BRCA1: variants seen among roughly 807,000 people sequenced by gnomAD.
BRCA1 encodes the protein breast cancer type 1 susceptibility protein.
A neutral mutation model predicts 173.7 loss-of-function variants in BRCA1; 140 were observed. The ratio of observed to expected loss-of-function variants is 0.81; its 90% CI spans 0.70 to 0.93. BRCA1 has a LOEUF of 0.93. BRCA1 is among the 40% of genes least tolerant of loss of function. The probability of loss-of-function intolerance (pLI) is 0.00; values close to 1 mark genes in which losing one functional copy is unlikely to be tolerated. For missense variants in BRCA1, 1,983 were observed against 2,172.5 expected (o/e 0.91, Z 1.73); for synonymous variants, 662 against 756.0 (o/e 0.88, Z 2.04).
At chr17:43,154,086 T>C (rs1393047236) in intron 1 of BRCA1, among the ~76,000 whole-genome samples, 1 of 151,908 alleles carries the variant, frequency 6.6e-6, no homozygotes, top group African/African-American at 2.4e-5. Context: ...ACTTGGAGGC[T>C]AAGGCAGAAG....
At chr17:43,059,905 T>A (rs1156815999) in intron 18 of BRCA1, among the ~76,000 whole-genome samples, 2 of 152,020 alleles carry the variant, frequency 1.3e-5, no homozygotes, top group African/African-American at 4.8e-5. Context: ...GGCCTATTAT[T>A]ATTATTATTA....
At chr17:43,167,926 T>C in intron 1 of BRCA1, 1 of 164,422 alleles carries the variant, frequency 6.1e-6, no homozygotes, top group South Asian at 1.5e-4. Flanking sequence ...ACAGGGTCCC[T>C]GTCTTTCAGG....
intron 2 of BRCA1, among the ~76,000 whole-genome samples, chr17:43,116,661 G>A (rs1709441): frequency 6.6e-6 from 1 of 152,218 alleles, no homozygotes; most frequent in Non-Finnish European, 1.5e-5. Flanking sequence ...TGGAACTACA[G>A]GCGTGCGCCA....
At chr17:43,159,084 C>G (rs2056216062) in intron 1 of BRCA1, among the ~76,000 whole-genome samples, 1 of 152,126 alleles carries the variant, frequency 6.6e-6, no homozygotes, top group Non-Finnish European at 1.5e-5. Context: ...AACACACACA[C>G]AAACACACAC....
chr17:43,101,985 CT>C (rs2054496568), intron 6 of BRCA1, among the ~76,000 whole-genome samples: 1 of 152,104 alleles, frequency 6.6e-6, no homozygotes, highest in Non-Finnish European at 1.5e-5. Flanking sequence ...CAACTGCAGC[CT>C]TGACTCTCTA....
intron 12 of BRCA1, among the ~76,000 whole-genome samples, chr17:43,080,357 G>A (rs112920552): frequency 3.3e-5 from 5 of 152,106 alleles, no homozygotes; most frequent in African/African-American, 9.7e-5. Context: ...CACCACGCCC[G>A]GCTAATTTTT....
At chr17:43,080,587 T>C (rs1244991403) in intron 12 of BRCA1, among the ~76,000 whole-genome samples, 2 of 151,994 alleles carry the variant, frequency 1.3e-5, no homozygotes, top group Non-Finnish European at 2.9e-5. Context: ...AGAGGACTGC[T>C]TGAGTCCAGG....
intron 3 of BRCA1, among the ~76,000 whole-genome samples, chr17:43,109,428 C>CT (rs2054941378): frequency 1.3e-5 from 2 of 152,066 alleles, no homozygotes; most frequent in African/African-American, 4.8e-5. Context: ...GACATGGAAA[C>CT]TAAGTCTGGA....
At position 43,058,371 on chromosome 17, in the gene BRCA1, TAA is replaced by T. The variant is rs869107602; in HGVS notation, c.5194-1238_5194-1237del. On this transcript the variant is annotated intron_variant, in intron 18 of 22. Coordinates refer to ENST00000357654, the MANE Select transcript of BRCA1 (RefSeq NM_007294.4). ...CCTGGGTGACAAAGTGAGACTCTGCTAAAAAAAAACACACACACACACACACA... is the reference window on the plus strand; with the variant it reads ...CCTGGGTGACAAAGTGAGACTCTGCTAAAAAAACACACACACACACACACA... Among the ~76,000 whole-genome samples the T allele has an allele frequency of 9.7e-4, 145 of 150,226 alleles. 4 individuals carry two copies. The highest frequency in any genetic ancestry group is 3.2e-3 in the African/African-American group (131 of 41,066).
intron 1 of BRCA1, among the ~76,000 whole-genome samples, chr17:43,135,097 G>A (rs1331130984): frequency 6.6e-6 from 1 of 152,130 alleles, no homozygotes; most frequent in Non-Finnish European, 1.5e-5. Flanking sequence ...TCTTGCTCTG[G>A]CCATGGAATG....
At chr17:43,095,614 AC>A (rs1297213825) in intron 9 of BRCA1, among the ~76,000 whole-genome samples, 6 of 151,962 alleles carry the variant, frequency 3.9e-5, no homozygotes, top group Admixed American at 2.6e-4. Context: ...AAAAAAAAAA[AC>A]GAAAGGGCAA....
chr17:43,060,258 G>C (rs1210104462), intron 18 of BRCA1, among the ~76,000 whole-genome samples: 2 of 152,002 alleles, frequency 1.3e-5, no homozygotes, highest in African/African-American at 4.8e-5. Flanking sequence ...ATTTTTAGTA[G>C]AGACAGGGTT....
At chr17:43,100,670 A>G (rs12941007) in intron 6 of BRCA1, among the ~76,000 whole-genome samples, 2,087 of 29,104 alleles carry the variant, frequency 0.072, 194 homozygotes, top group Non-Finnish European at 0.08. Flanking sequence ...ATATATATAT[A>G]TATATATAAT....
chr17:43,061,531 A>G (rs2051750904), intron 18 of BRCA1, among the ~76,000 whole-genome samples: 2 of 152,112 alleles, frequency 1.3e-5, no homozygotes, highest in African/African-American at 4.8e-5. Context: ...AACAAAAATA[A>G]TCATTTAATT....
chr17:43,099,941 G>A (rs2054311864), intron 6 of BRCA1, 61 bp from the exon 7 acceptor site: 1 of 1,303,298 alleles, frequency 7.7e-7, no homozygotes, highest in Non-Finnish European at 1.1e-6. Flanking sequence ...TTTTCCTCCT[G>A]AAGAGAAACT....
upstream of BRCA1, among the ~76,000 whole-genome samples, chr17:43,126,654 C>T (rs184220023): frequency 4.9e-3 from 751 of 152,306 alleles, 7 homozygotes; most frequent in Non-Finnish European, 3.1e-3. Flanking sequence ...GTTGGAGAGT[C>T]TGTGGTTCAG....
intron 2 of BRCA1, among the ~76,000 whole-genome samples, chr17:43,117,544 G>C (rs2055351987): frequency 6.6e-6 from 1 of 152,142 alleles, no homozygotes; most frequent in East Asian, 1.9e-4. Context: ...TTCGAGACCA[G>C]CCTGGCCAAC....
At position 43,062,255 on chromosome 17, in the gene BRCA1, G is replaced by A. The variant is rs1222730105; in HGVS notation, c.5193+1078C>T. 2.6e-5 allele frequency among the ~76,000 whole-genome samples: 4 copies of A among 151,780 alleles called. No homozygotes were observed. In the East Asian group the frequency reaches 7.8e-4, roughly 30 times the overall value. ...ACTACAGAAGCACACTGCCATGCCC[G>A]GCTAATTAAAAAAAAATTTTGTGGA... On this transcript the variant is annotated intron_variant, in intron 18 of 22. Coordinates refer to ENST00000357654, the MANE Select transcript of BRCA1 (RefSeq NM_007294.4).
chr17:43,100,560 A>ATATAACATATATATAACATATATATAT (rs2054346345), intron 6 of BRCA1, among the ~76,000 whole-genome samples: 2 of 16,080 alleles, frequency 1.2e-4, no homozygotes, highest in Non-Finnish European at 2.0e-4. Flanking sequence ...GTGTGTGTGT[A>ATATAACATATATATAACATATATATAT]TATATATATA....
Sources: gnomAD v4.1 joint callset for allele counts (sites outside exome capture counted in the v4.1 genomes callset) on GRCh38, gnomAD v4.1.1 for gene constraint, MANE v1.5 for transcripts, NCBI Gene and HGNC (gene_info 2026-07-23, HGNC 2026-07-21) for gene names.